STRBP: variants seen among roughly 807,000 people sequenced by gnomAD.
STRBP encodes spermatid perinuclear RNA binding protein.
A neutral mutation model predicts 80.1 loss-of-function variants in STRBP; 13 were observed. The observed-to-expected ratio is 0.16, with a 90% CI of 0.11 to 0.26. STRBP has a LOEUF of 0.26. Among genes scored for constraint, STRBP ranks in the 10% least tolerant of loss-of-function variants. The pLI, the probability that STRBP is intolerant of heterozygous loss-of-function variation, is 1.00. For synonymous variants in STRBP, 284 were observed against 291.2 expected (o/e 0.98, Z 0.25); for missense variants, 485 against 815.2 (o/e 0.59, Z 4.93).
At chr9:123,139,768 C>T in intron 13 of STRBP, 81 bp from the exon 14 acceptor site, 8 of 1,436,814 alleles carry the variant, frequency 5.6e-6, no homozygotes, top group Non-Finnish European at 7.6e-6. Context: ...ACAAAAGTTT[C>T]AAATCCATAG....
At chr9:123,120,511 G>A (rs890379313), downstream of STRBP, among the ~76,000 whole-genome samples, 2 of 130,256 alleles carry the variant, frequency 1.5e-5, no homozygotes, top group Middle Eastern at 3.8e-3. Context: ...GGGCAGGGGC[G>A]GGGAAAGCAG....
Position 123,252,228 on chromosome 9 carries a change from T to A in STRBP, c.-301-15262A>T, listed in dbSNP as rs142502077. On this transcript the variant is annotated intron_variant, in intron 1 of 18. Coordinates refer to ENST00000348403, the MANE Select transcript of STRBP (RefSeq NM_018387.5). ...GTTTTCCTGTATTTGCACCGTGATGTTGGCTAGGCTATCAAAATTTAGACT... is the reference window on the plus strand; with the variant it reads ...GTTTTCCTGTATTTGCACCGTGATGATGGCTAGGCTATCAAAATTTAGACT... Among the ~76,000 whole-genome samples, 365 of 152,338 alleles carry A rather than the reference T, an allele frequency of 2.4e-3. 1 individual carries two copies. The highest frequency in any genetic ancestry group is 5.6e-3 in the Admixed American group (86 of 15,294).
chr9:123,129,522 T>C (rs1305346142), intron 17 of STRBP, among the ~76,000 whole-genome samples: 1 of 152,216 alleles, frequency 6.6e-6, no homozygotes, highest in Non-Finnish European at 1.5e-5. Flanking sequence ...CTATTCAGAA[T>C]GATTTCACTC....
chr9:123,123,014 G>A lies in STRBP; in HGVS notation c.*2583C>T. The A allele has an allele frequency of 1.0e-6, 1 of 985,384 alleles. No homozygotes were observed. Among genetic ancestry groups the A allele is most frequent in the Non-Finnish European group, 1.2e-6 (1 of 829,922 alleles). The allele number at this position is 985,384 out of a possible 1,614,324, so 61.0% of individuals were successfully genotyped here. A position where few individuals can be genotyped will look rare whatever the true frequency, so the allele number is the denominator to read the frequency against. On this transcript the variant is annotated 3_prime_UTR_variant, in exon 19 of 19. Coordinates refer to ENST00000348403, the MANE Select transcript of STRBP (RefSeq NM_018387.5). ...GATCAGTCATTGCTTTCAAAAAGAG[G>A]GTGTCAGAGTGGAGTGTCTGAAAGC...
intron 2 of STRBP, among the ~76,000 whole-genome samples, chr9:123,203,550 T>C (rs1465378685): frequency 6.6e-6 from 1 of 152,154 alleles, no homozygotes; most frequent in African/African-American, 2.4e-5. Context: ...GTATCCTTGC[T>C]GACGTTCCCA....
intron 2 of STRBP, among the ~76,000 whole-genome samples, chr9:123,210,972 G>A (rs1481624841): frequency 6.6e-6 from 1 of 152,180 alleles, no homozygotes; most frequent in Non-Finnish European, 1.5e-5. Flanking sequence ...ATTGATGGTA[G>A]GAAAAAATGT....
rs539496496 is a variant in STRBP, at chr9:123,225,586, T to C, written c.-165+11244A>G. The stretch of plus-strand genomic sequence containing the variant: ...AAAGAAGCTGGGTCCTCAGAAAATC[T>C]ATTCTGGCAAGTGAAAGCAGCAAGC... On this transcript the variant is annotated intron_variant, in intron 2 of 18. Coordinates refer to ENST00000348403, the MANE Select transcript of STRBP (RefSeq NM_018387.5). 1.5e-4 allele frequency among the ~76,000 whole-genome samples: 23 copies of C among 152,336 alleles called. No homozygotes were observed. The East Asian group carries it at 4.4e-3, about 29-fold the overall frequency.
Position 123,139,450 on chromosome 9 carries a change from T to C in STRBP, c.1497+79A>G, listed in dbSNP as rs534973231. The C allele has an allele frequency of 1.8e-5, 21 of 1,192,792 alleles. No individual in the cohort carries two copies. In the South Asian group the frequency reaches 3.6e-4, roughly 21 times the overall value. The allele number at this position is 1,192,792 out of a possible 1,614,324, so 73.9% of individuals were successfully genotyped here. A position where few individuals can be genotyped will look rare whatever the true frequency, so the allele number is the denominator to read the frequency against. The stretch of plus-strand genomic sequence containing the variant: ...AGGTTTGCATATGCTTTTGATTTTA[T>C]TTATACTTTTCCACATCTCTCAAAT... On this transcript the variant is annotated intron_variant, in intron 14 of 18. Transcript: ENST00000348403.
At chr9:123,181,080 G>T in intron 3 of STRBP, 1 of 201,462 alleles carries the variant, frequency 5.0e-6, no homozygotes, top group Non-Finnish European at 8.8e-6. Context: ...GTAATCATTT[G>T]AAAACCTCTA....
chr9:123,121,122 G>A (rs969142786), downstream of STRBP, among the ~76,000 whole-genome samples: 2 of 152,138 alleles, frequency 1.3e-5, no homozygotes, highest in East Asian at 1.9e-4. Flanking sequence ...ATCGCACTCA[G>A]TACTAGTCAG....
intron 5 of STRBP, among the ~76,000 whole-genome samples, chr9:123,171,877 C>A (rs949275710): frequency 6.6e-6 from 1 of 152,152 alleles, no homozygotes; most frequent in Admixed American, 6.6e-5. Flanking sequence ...GGTTTGTATA[C>A]CCTGTACACC....
chr9:123,250,345 ATTTTC>A (rs2040885995), intron 1 of STRBP, among the ~76,000 whole-genome samples: 1 of 152,150 alleles, frequency 6.6e-6, no homozygotes, highest in Non-Finnish European at 1.5e-5. Flanking sequence ...CTTCTCACTA[ATTTTC>A]TTTTGTCTTG....
intron 4 of STRBP, 125 bp downstream of exon 4, chr9:123,178,882 G>T: frequency 4.2e-6 from 3 of 721,066 alleles, no homozygotes; most frequent in South Asian, 2.4e-5. Flanking sequence ...TTACTTCCTT[G>T]GTTATAGTCT....
At chr9:123,229,610 G>A (rs1313291222) in intron 2 of STRBP, among the ~76,000 whole-genome samples, 1 of 152,200 alleles carries the variant, frequency 6.6e-6, no homozygotes, top group Admixed American at 6.5e-5. Flanking sequence ...GTTGATAGAG[G>A]ATAATATCTA....
At chr9:123,223,467 G>A (rs2132560072) in intron 2 of STRBP, among the ~76,000 whole-genome samples, 1 of 152,234 alleles carries the variant, frequency 6.6e-6, no homozygotes, top group East Asian at 1.9e-4. Flanking sequence ...GGGATAGAAT[G>A]ATATGAAAAC....
intron 2 of STRBP, among the ~76,000 whole-genome samples, chr9:123,188,026 A>T (rs1411243709): frequency 6.6e-6 from 1 of 151,616 alleles, no homozygotes; most frequent in Non-Finnish European, 1.5e-5. Context: ...TGACCTTCCC[A>T]CCTTCCCCAC....
chr9:123,186,064 A>G (rs2038686767), intron 2 of STRBP, among the ~76,000 whole-genome samples: 1 of 148,032 alleles, frequency 6.8e-6, no homozygotes, highest in African/African-American at 2.5e-5. Flanking sequence ...GGAGCCAGCC[A>G]GGCATGGTGG....
At chr9:123,160,216 A>C in intron 8 of STRBP, 151 bp downstream of exon 8, 1 of 477,084 alleles carries the variant, frequency 2.1e-6, no homozygotes, top group South Asian at 5.6e-5. Context: ...ATTCGCTTAA[A>C]AAGATGCTTT....
intron 11 of STRBP, among the ~76,000 whole-genome samples, chr9:123,154,158 C>T (rs1235123027): frequency 1.3e-5 from 2 of 152,160 alleles, no homozygotes; most frequent in African/African-American, 4.8e-5. Context: ...GAAGAATGCT[C>T]ATGGCAACAC....
Sources: gnomAD v4.1 joint callset for allele counts (sites outside exome capture counted in the v4.1 genomes callset) on GRCh38, gnomAD v4.1.1 for gene constraint, MANE v1.5 for transcripts, NCBI Gene and HGNC (gene_info 2026-07-23, HGNC 2026-07-21) for gene names.